ATP8B4: variants seen among roughly 807,000 people sequenced by gnomAD.
The protein encoded by ATP8B4 is ATPase phospholipid transporting 8B4 (putative).
A neutral mutation model predicts 145.6 loss-of-function variants in ATP8B4; 133 were observed. That is an observed-to-expected ratio of 0.91 (90% CI 0.79 to 1.05). The LOEUF is 1.05. Among genes scored for constraint, ATP8B4 ranks in the 50% least tolerant of loss-of-function variants. The pLI, the probability that ATP8B4 is intolerant of heterozygous loss-of-function variation, is 0.00. For synonymous variants in ATP8B4, 507 were observed against 492.9 expected (o/e 1.03, Z -0.38); for missense variants, 1,458 against 1,425.2 (o/e 1.02, Z -0.37).
chr15:50,011,927 G>A (rs2048747964), intron 6 of ATP8B4, among the ~76,000 whole-genome samples: 1 of 152,104 alleles, frequency 6.6e-6, no homozygotes, highest in African/African-American at 2.4e-5. Context: ...TTGTTTTATA[G>A]GCTGGAAAAT....
intron 13 of ATP8B4, among the ~76,000 whole-genome samples, chr15:49,968,727 T>C (rs1050029159): frequency 2.0e-5 from 3 of 152,034 alleles, no homozygotes; most frequent in African/African-American, 7.3e-5. Flanking sequence ...AGACAGAAAA[T>C]TAACAAGGAT....
chr15:49,968,439 C>G (rs1476168446), intron 13 of ATP8B4, among the ~76,000 whole-genome samples: 1 of 151,912 alleles, frequency 6.6e-6, no homozygotes, highest in Non-Finnish European at 1.5e-5. Flanking sequence ...ATTTACCAAA[C>G]AAATGGAAAG....
intron 21 of ATP8B4, among the ~76,000 whole-genome samples, chr15:49,898,533 G>A (rs2037672054): frequency 6.6e-6 from 1 of 151,402 alleles, no homozygotes; most frequent in Non-Finnish European, 1.5e-5. Flanking sequence ...CTGCACTGGA[G>A]AGAGAGAGTT....
intron 2 of ATP8B4, among the ~76,000 whole-genome samples, chr15:50,078,158 T>C (rs944613727): frequency 6.6e-6 from 1 of 151,892 alleles, no homozygotes; most frequent in Non-Finnish European, 1.5e-5. Flanking sequence ...TACATAGATA[T>C]ATAGGTTTTT....
chr15:50,069,944 G>C (rs911728862), intron 3 of ATP8B4, among the ~76,000 whole-genome samples: 1 of 152,164 alleles, frequency 6.6e-6, no homozygotes. Context: ...ATGGATATGA[G>C]CTATTATCTG....
chr15:50,040,918 T>C (rs1304878636), intron 5 of ATP8B4, among the ~76,000 whole-genome samples: 1 of 152,234 alleles, frequency 6.6e-6, no homozygotes, highest in Non-Finnish European at 1.5e-5. Context: ...GTTCTATACC[T>C]GATGCTTTAC....
intron 14 of ATP8B4, among the ~76,000 whole-genome samples, chr15:49,958,809 C>T (rs576924961): frequency 6.6e-6 from 1 of 151,858 alleles, no homozygotes; most frequent in Non-Finnish European, 1.5e-5. Context: ...CTACTGTAGA[C>T]AAGACTGTAA....
intron 20 of ATP8B4, among the ~76,000 whole-genome samples, chr15:49,904,232 C>T (rs988603768): frequency 6.6e-6 from 1 of 152,168 alleles, no homozygotes; most frequent in African/African-American, 2.4e-5. Flanking sequence ...TTTTAAGGGA[C>T]AGCACTACCC....
chr15:50,055,245 C>A (rs1469591788), intron 3 of ATP8B4, among the ~76,000 whole-genome samples: 1 of 152,184 alleles, frequency 6.6e-6, no homozygotes, highest in Admixed American at 6.5e-5. Context: ...CTGAGACTAG[C>A]CCTATCTCTG....
At chr15:50,020,100 GC>G (rs966725944) in intron 6 of ATP8B4, among the ~76,000 whole-genome samples, 7 of 151,878 alleles carry the variant, frequency 4.6e-5, no homozygotes, top group Non-Finnish European at 8.8e-5. Context: ...AACTGCAGGT[GC>G]ACACCACCAT....
At chr15:49,946,235 A>C (rs1344507816) in intron 14 of ATP8B4, among the ~76,000 whole-genome samples, 1 of 152,210 alleles carries the variant, frequency 6.6e-6, no homozygotes, top group Non-Finnish European at 1.5e-5. Flanking sequence ...AAAAATGAAG[A>C]AAACGATCTC....
chr15:50,016,116 T>C (rs182865772), intron 6 of ATP8B4, among the ~76,000 whole-genome samples: 1 of 152,346 alleles, frequency 6.6e-6, no homozygotes, highest in Admixed American at 6.5e-5. Context: ...AGTCTTCCTA[T>C]TTTGAAAACA....
chr15:49,887,512 G>C (rs544410750), intron 23 of ATP8B4, among the ~76,000 whole-genome samples: 56 of 152,032 alleles, frequency 3.7e-4, no homozygotes, highest in African/African-American at 1.3e-3. Context: ...ATTTTCCCTA[G>C]GGCACCCATA....
intron 1 of ATP8B4, among the ~76,000 whole-genome samples, chr15:50,162,395 C>T (rs2044533369): frequency 6.6e-6 from 1 of 151,894 alleles, no homozygotes; most frequent in Non-Finnish European, 1.5e-5. Context: ...TGTTATTTCT[C>T]CCTTGAATAA....
intron 1 of ATP8B4, among the ~76,000 whole-genome samples, chr15:50,161,801 T>C (rs867303066): frequency 1.5e-4 from 22 of 151,578 alleles, no homozygotes; most frequent in African/African-American, 5.4e-4. Flanking sequence ...CACACCACAA[T>C]TATAGTGTTG....
chr15:50,089,869 C>A (rs2055485073), intron 2 of ATP8B4, among the ~76,000 whole-genome samples: 2 of 152,086 alleles, frequency 1.3e-5, no homozygotes. Context: ...TAGGTATATA[C>A]CCGAAGGAAT....
chr15:50,073,019 TACACACAC>T (rs373934302), intron 3 of ATP8B4, among the ~76,000 whole-genome samples: 1,096 of 32,286 alleles, frequency 0.034, 34 homozygotes, highest in Middle Eastern at 0.11. Flanking sequence ...TATATATATA[TACACACAC>T]ACACACACAC....
intron 25 of ATP8B4, among the ~76,000 whole-genome samples, chr15:49,870,586 G>A (rs1308824320): frequency 1.3e-5 from 2 of 152,178 alleles, no homozygotes; most frequent in Non-Finnish European, 2.9e-5. Flanking sequence ...GAAAAGTCAA[G>A]CTTAAACAGT....
At chr15:50,121,456 G>A (rs980848076), upstream of ATP8B4, among the ~76,000 whole-genome samples, 2 of 152,092 alleles carry the variant, frequency 1.3e-5, no homozygotes, top group Non-Finnish European at 2.9e-5. Context: ...TAAAGCCACT[G>A]AACTGTACAC....
Sources: gnomAD v4.1 joint callset for allele counts (sites outside exome capture counted in the v4.1 genomes callset) on GRCh38, gnomAD v4.1.1 for gene constraint, MANE v1.5 for transcripts, NCBI Gene and HGNC (gene_info 2026-07-23, HGNC 2026-07-21) for gene names.